PPP3CC: variants seen among roughly 807,000 people sequenced by gnomAD.
The protein encoded by PPP3CC is protein phosphatase 3 catalytic subunit gamma, also known as serine/threonine-protein phosphatase 2B catalytic subunit gamma isoform.
In PPP3CC, 35 loss-of-function variants were observed where a neutral mutation model predicts 60.3. That is an observed-to-expected ratio of 0.58 (90% confidence interval 0.44 to 0.77). The LOEUF (loss-of-function observed/expected upper bound fraction) is 0.77, where lower values mean the gene tolerates loss of function less well. PPP3CC is among the 30% of genes least tolerant of loss of function. The pLI is 0.00. For synonymous variants in PPP3CC, 206 were observed against 224.3 expected, an observed-to-expected ratio of 0.92 and a Z score of 0.73; for missense variants, 570 against 628.9, an observed-to-expected ratio of 0.91 and a Z score of 1.00.
chr8:22,521,082 C>T (rs980655565), intron 6 of PPP3CC, among the ~76,000 whole-genome samples: 1 of 152,108 alleles, frequency 6.6e-6, no homozygotes, highest in East Asian at 1.9e-4. Flanking sequence ...GGGGCATGGA[C>T]AAGTATGTCC....
At position 22,462,575 on chromosome 8, in the gene PPP3CC, C is replaced by CT. The variant is rs779444558; in HGVS notation, c.50-12366dup. Among the ~76,000 whole-genome samples the CT allele has an allele frequency of 8.3e-3, 1,182 of 142,874 alleles. 14 individuals carry two copies. Among genetic ancestry groups the CT allele is most frequent in the African/African-American group, 0.024 (935 of 39,330 alleles). 93.7% of individuals were successfully genotyped at this position (142,874 alleles called of 152,430 possible). On this transcript the variant is annotated intron_variant, in intron 1 of 13. Coordinates refer to ENST00000240139, the MANE Select transcript of PPP3CC (RefSeq NM_005605.5). ...CATTTTGTTCTTTTTTTTCTTTTTT[C>CT]TTTTTTTTTTTTTGAGACGGAGTCT... is the stretch of plus-strand genomic sequence containing the variant.
At chr8:22,462,239 T>G (rs1343783039) in intron 1 of PPP3CC, among the ~76,000 whole-genome samples, 1 of 152,060 alleles carries the variant, frequency 6.6e-6, no homozygotes, top group Non-Finnish European at 1.5e-5. Context: ...GGAGACCCTC[T>G]CTCTTAAAAA....
chr8:22,499,519 G>T (rs938671518), intron 4 of PPP3CC, among the ~76,000 whole-genome samples: 2 of 152,132 alleles, frequency 1.3e-5, no homozygotes, highest in Non-Finnish European at 2.9e-5. Flanking sequence ...CATGGTGGGA[G>T]GCTGAGGCTA....
chr8:22,527,572 A>T, intron 9 of PPP3CC, 55 bp downstream of exon 9: 1 of 1,562,378 alleles, frequency 6.4e-7, no homozygotes, highest in South Asian at 1.1e-5. Flanking sequence ...AGCATACCTT[A>T]TATTTGCATG....
At chr8:22,457,445 G>T (rs1216039446) in intron 1 of PPP3CC, among the ~76,000 whole-genome samples, 2 of 151,906 alleles carry the variant, frequency 1.3e-5, no homozygotes, top group East Asian at 3.9e-4. Flanking sequence ...TGGGACTACA[G>T]GTGCACACCA....
At chr8:22,444,470 T>G (rs1836766544) in intron 1 of PPP3CC, among the ~76,000 whole-genome samples, 1 of 152,102 alleles carries the variant, frequency 6.6e-6, no homozygotes, top group Non-Finnish European at 1.5e-5. Context: ...GTATGTGAAA[T>G]TATAAGCTAC....
chr8:22,446,591 A>G (rs1836828446), intron 1 of PPP3CC, among the ~76,000 whole-genome samples: 1 of 151,910 alleles, frequency 6.6e-6, no homozygotes, highest in South Asian at 2.1e-4. Context: ...TGGGAAGCCG[A>G]GGTGGGTGGA....
chr8:22,443,709 T>C (rs1447436947), intron 1 of PPP3CC, among the ~76,000 whole-genome samples: 1 of 152,318 alleles, frequency 6.6e-6, no homozygotes, highest in East Asian at 1.9e-4. Flanking sequence ...TTAGAATGTA[T>C]GGATTTCTCT....
intron 3 of PPP3CC, among the ~76,000 whole-genome samples, chr8:22,482,596 T>C (rs1005357443): frequency 3.9e-5 from 6 of 152,216 alleles, no homozygotes; most frequent in African/African-American, 1.4e-4. Flanking sequence ...GTTTTAGTCT[T>C]GAAGTCTTTG....
At chr8:22,479,088 G>T (rs989443609) in intron 3 of PPP3CC, among the ~76,000 whole-genome samples, 2 of 151,964 alleles carry the variant, frequency 1.3e-5, no homozygotes, top group African/African-American at 4.8e-5. Flanking sequence ...ACCTCTATAG[G>T]CTATAGCTTA....
At chr8:22,469,980 A>G (rs201602691) in intron 1 of PPP3CC, among the ~76,000 whole-genome samples, 18 of 140,504 alleles carry the variant, frequency 1.3e-4, no homozygotes, top group Admixed American at 2.9e-4. Flanking sequence ...ATATATATAT[A>G]TGTGATATAT....
At chr8:22,460,358 T>C (rs976539743) in intron 1 of PPP3CC, among the ~76,000 whole-genome samples, 1 of 152,104 alleles carries the variant, frequency 6.6e-6, no homozygotes, top group African/African-American at 2.4e-5. Context: ...GAATTTTTTG[T>C]GTGTGAGTGT....
At chr8:22,463,059 A>T (rs753711802) in intron 1 of PPP3CC, among the ~76,000 whole-genome samples, 1 of 152,146 alleles carries the variant, frequency 6.6e-6, no homozygotes, top group Non-Finnish European at 1.5e-5. Context: ...TATTTTGCCA[A>T]GGATAAGCAT....
chr8:22,489,737 A>AT (rs1367942052), intron 3 of PPP3CC, among the ~76,000 whole-genome samples: 40 of 42,546 alleles, frequency 9.4e-4, no homozygotes, highest in East Asian at 7.5e-3. Context: ...TTATATATAT[A>AT]ATAAGTATAT....
At chr8:22,515,162 C>T (rs1586853326) in intron 6 of PPP3CC, among the ~76,000 whole-genome samples, 1 of 152,126 alleles carries the variant, frequency 6.6e-6, no homozygotes, top group Non-Finnish European at 1.5e-5. Context: ...ATTCTACTCT[C>T]ATCTCCATGA....
At chr8:22,467,796 G>C (rs986437354) in intron 1 of PPP3CC, among the ~76,000 whole-genome samples, 8 of 152,144 alleles carry the variant, frequency 5.3e-5, no homozygotes, top group Admixed American at 2.0e-4. Flanking sequence ...ATTTCTTACA[G>C]TCCTAGAGGC....
intron 6 of PPP3CC, among the ~76,000 whole-genome samples, chr8:22,514,982 C>T (rs557121029): frequency 6.4e-4 from 98 of 152,082 alleles, no homozygotes; most frequent in Non-Finnish European, 1.1e-3. Context: ...CCGGCCTCTT[C>T]TAGTTATTTT....
At chr8:22,451,771 CA>C (rs1393258932) in intron 1 of PPP3CC, among the ~76,000 whole-genome samples, 2 of 152,162 alleles carry the variant, frequency 1.3e-5, no homozygotes, top group Non-Finnish European at 2.9e-5. Flanking sequence ...TTATTTTGTG[CA>C]CAAAATTATT....
chr8:22,502,865 GT>G (rs1475958070), intron 4 of PPP3CC, among the ~76,000 whole-genome samples: 4 of 151,960 alleles, frequency 2.6e-5, no homozygotes, highest in African/African-American at 4.8e-5. Context: ...GACTTAGAGG[GT>G]TTTTTTGTTT....
Sources: gnomAD v4.1 joint callset for allele counts (sites outside exome capture counted in the v4.1 genomes callset) on GRCh38, gnomAD v4.1.1 for gene constraint, MANE v1.5 for transcripts, NCBI Gene and HGNC (gene_info 2026-07-23, HGNC 2026-07-21) for gene names.